CCDC18: variants seen among roughly 807,000 people sequenced by gnomAD.
CCDC18 encodes coiled-coil domain-containing protein 18.
In CCDC18, 157 loss-of-function variants were observed where a neutral mutation model predicts 196.0. The observed-to-expected ratio is 0.80, with a 90% confidence interval of 0.70 to 0.91. CCDC18 has a LOEUF of 0.91. Among genes scored for constraint, CCDC18 ranks in the 40% least tolerant of loss-of-function variants. The probability of loss-of-function intolerance (pLI) is 0.00; values close to 1 mark genes in which losing one functional copy is unlikely to be tolerated. For missense variants in CCDC18, 1,465 were observed against 1,611.6 expected (o/e 0.91, Z 1.56); for synonymous variants, 482 against 529.2 (o/e 0.91, Z 1.22).
At chr1:93,181,903 C>T (rs1321537374) in intron 1 of CCDC18, among the ~76,000 whole-genome samples, 4 of 152,234 alleles carry the variant, frequency 2.6e-5, no homozygotes, top group Non-Finnish European at 5.9e-5. Context: ...GCGTGAGCCA[C>T]CGCGCCCGGA....
intron 11 of CCDC18, among the ~76,000 whole-genome samples, chr1:93,212,820 A>G (rs1336018183): frequency 2.0e-5 from 3 of 152,170 alleles, no homozygotes; most frequent in African/African-American, 7.2e-5. Flanking sequence ...GATGATTCAA[A>G]CGCATGACAT....
intron 3 of CCDC18, among the ~76,000 whole-genome samples, chr1:93,185,575 TAA>T (rs147414812): frequency 6.7e-6 from 1 of 149,070 alleles, no homozygotes; most frequent in African/African-American, 2.4e-5. Flanking sequence ...ATTGTTCAAG[TAA>T]AAAAAAAATG....
intron 7 of CCDC18, among the ~76,000 whole-genome samples, chr1:93,203,211 C>T (rs973691626): frequency 3.3e-5 from 5 of 151,890 alleles, no homozygotes; most frequent in East Asian, 3.8e-4. Context: ...GCATTAGAAG[C>T]GGGCAGTATG....
chr1:93,271,373 C>CTT (rs1248991414), intron 28 of CCDC18: 1 of 984,908 alleles, frequency 1.0e-6, no homozygotes, highest in East Asian at 1.1e-4. Context: ...TCCCTTTTCT[C>CTT]TTTAAAAGAA....
chr1:93,219,620 T>G lies in CCDC18; in HGVS notation c.1962+1751T>G, dbSNP rs147606936. 2.0e-5 allele frequency among the ~76,000 whole-genome samples: 3 copies of G among 152,324 alleles called. No individual in the cohort carries two copies. In the East Asian group the frequency reaches 5.8e-4, roughly 29 times the overall value. ...CTGGACATAGTGGGACGTCATGAGA[T>G]TTCATCACGCTGCTCAGAACTGCAA... On this transcript the variant is annotated intron_variant, in intron 14 of 28. Transcript: ENST00000690025.
chr1:93,207,284 AG>A lies in CCDC18; in HGVS notation c.1096del (p.Glu366AsnfsTer2), dbSNP rs774154877. 1 of 1,613,700 alleles carries A rather than the reference AG, an allele frequency of 6.2e-7. No individual in the cohort carries two copies. Among genetic ancestry groups the A allele is most frequent in the Non-Finnish European group, 8.5e-7 (1 of 1,179,692 alleles). On this transcript the variant is annotated frameshift_variant, in exon 9 of 29. Coordinates refer to ENST00000690025, the MANE Select transcript of CCDC18 (RefSeq NM_001378204.1). LOFTEE classifies it high-confidence loss of function. ...DKFSLMNENR[E>X]LKVRVAAQNE... ...AATTTTCTTTAATGAATGAAAACCG[AG>A]AATTAAAGGTCCGTGTTGCAGCACA...
chr1:93,189,476 G>C (rs1026293191), intron 4 of CCDC18, among the ~76,000 whole-genome samples: 1 of 152,040 alleles, frequency 6.6e-6, no homozygotes, highest in Non-Finnish European at 1.5e-5. Flanking sequence ...CTTTCTTTTG[G>C]GTATATGCCC....
At chr1:93,197,782 C>T (rs1256026083) in intron 6 of CCDC18, among the ~76,000 whole-genome samples, 6 of 124,364 alleles carry the variant, frequency 4.8e-5, no homozygotes, top group East Asian at 2.4e-4. Flanking sequence ...GACAGAGTCT[C>T]GCTCTGTCGC....
intron 21 of CCDC18, among the ~76,000 whole-genome samples, chr1:93,240,113 C>T (rs890126264): frequency 1.3e-5 from 2 of 152,006 alleles, no homozygotes; most frequent in African/African-American, 2.4e-5. Context: ...TTATACTAGC[C>T]CTAGTGGTAA....
At chr1:93,275,988 G>T (rs946253835) in intron 28 of CCDC18, among the ~76,000 whole-genome samples, 1 of 152,190 alleles carries the variant, frequency 6.6e-6, no homozygotes, top group Non-Finnish European at 1.5e-5. Flanking sequence ...ACCTGGGTCT[G>T]GATAGCATTT....
chr1:93,192,787 T>C (rs184132756), intron 5 of CCDC18, among the ~76,000 whole-genome samples: 1 of 152,276 alleles, frequency 6.6e-6, no homozygotes, highest in African/African-American at 2.4e-5. Context: ...AAATGGGAAA[T>C]ATATGCATAT....
At chr1:93,225,699 C>T (rs538246983) in intron 16 of CCDC18, among the ~76,000 whole-genome samples, 17 of 151,946 alleles carry the variant, frequency 1.1e-4, no homozygotes, top group African/African-American at 4.1e-4. Flanking sequence ...ATTGCTTGAA[C>T]CTGGGAGGTA....
intron 6 of CCDC18, among the ~76,000 whole-genome samples, chr1:93,200,941 C>T (rs1280308955): frequency 6.6e-6 from 1 of 152,202 alleles, no homozygotes; most frequent in Non-Finnish European, 1.5e-5. Context: ...CCTGTGCACA[C>T]TCAGGAATTG....
chr1:93,194,666 A>G (rs1207694134), intron 6 of CCDC18, among the ~76,000 whole-genome samples: 1 of 152,242 alleles, frequency 6.6e-6, no homozygotes, highest in Non-Finnish European at 1.5e-5. Context: ...TAACTATTTT[A>G]TAAACTTTGT....
chr1:93,226,512 G>A (rs1570449858), intron 17 of CCDC18, 63 bp downstream of exon 17: 2 of 621,792 alleles, frequency 3.2e-6, no homozygotes, highest in Non-Finnish European at 5.6e-6. Context: ...AGAAGCATGA[G>A]ATGTAGGACA....
intron 6 of CCDC18, among the ~76,000 whole-genome samples, chr1:93,196,203 G>A (rs1652693450): frequency 6.6e-6 from 1 of 152,064 alleles, no homozygotes; most frequent in Admixed American, 6.5e-5. Flanking sequence ...CACGCCTGGA[G>A]TCCCAGCTAC....
chr1:93,260,510 C>T (rs1191310421), intron 26 of CCDC18, among the ~76,000 whole-genome samples: 2 of 151,788 alleles, frequency 1.3e-5, no homozygotes, highest in Non-Finnish European at 1.5e-5. Flanking sequence ...TAAAAATTTA[C>T]TTTTAAAATA....
At chr1:93,253,190 T>G (rs1662495398) in intron 23 of CCDC18, among the ~76,000 whole-genome samples, 3 of 152,120 alleles carry the variant, frequency 2.0e-5, no homozygotes, top group Non-Finnish European at 4.4e-5. Context: ...CCAACGACAG[T>G]GTGAGGAGCT....
At position 93,180,741 on chromosome 1, in the gene CCDC18, G is replaced by C; in HGVS notation, c.-114G>C. 1 of 1,366,748 alleles carries C rather than the reference G, an allele frequency of 7.3e-7. No homozygotes were observed. Among genetic ancestry groups the C allele is most frequent in the Non-Finnish European group, 9.8e-7 (1 of 1,021,498 alleles). The allele number at this position is 1,366,748 out of a possible 1,614,324, so 84.7% of individuals were successfully genotyped here. A position where few individuals can be genotyped will look rare whatever the true frequency, so the allele number is the denominator to read the frequency against. On this transcript the variant is annotated 5_prime_UTR_variant, in exon 1 of 29. Transcript: ENST00000690025. ...CCCGCGGCGGTTCGAATTCTGTGCT[G>C]CCGGGGTTCGCTGGTTCTCCGAGTT...
Sources: gnomAD v4.1 joint callset for allele counts (sites outside exome capture counted in the v4.1 genomes callset) on GRCh38, gnomAD v4.1.1 for gene constraint, MANE v1.5 for transcripts, NCBI Gene and HGNC (gene_info 2026-07-23, HGNC 2026-07-21) for gene names.